CERS3: variants seen among roughly 807,000 people sequenced by gnomAD.
CERS3 encodes the protein ceramide synthase 3, also known as LAG1 homolog, ceramide synthase 3.
In CERS3, 33 loss-of-function variants were observed where a neutral mutation model predicts 50.3. That is an observed-to-expected ratio of 0.66 (90% CI 0.50 to 0.88). The LOEUF (loss-of-function observed/expected upper bound fraction) is 0.88. Ranked by LOEUF, CERS3 falls within the 40% of genes least tolerant of loss-of-function variation. The pLI is 0.00. For missense variants in CERS3, 470 were observed against 460.3 expected (o/e 1.02, Z -0.19); for synonymous variants, 176 against 155.2 (o/e 1.13, Z -0.99).
Position 100,407,294 on chromosome 15 carries a change from A to G in CERS3, c.1000-4429T>C, listed in dbSNP as rs1703670889. Among the ~76,000 whole-genome samples, 3 of 152,274 alleles carry G rather than the reference A, an allele frequency of 2.0e-5. No individual in the cohort carries two copies. In the South Asian group the frequency reaches 6.2e-4, roughly 32 times the overall value. The stretch of plus-strand genomic sequence containing the variant: ...GGCGCCACCCCATCTGCTCCCAACC[A>G]CACACCCTCCAGCTGTTTGCCTTTA... On this transcript the variant is annotated intron_variant, in intron 11 of 11. Transcript: ENST00000679737.
intron 11 of CERS3, among the ~76,000 whole-genome samples, chr15:100,430,048 C>A (rs569936978): frequency 6.6e-6 from 1 of 152,048 alleles, no homozygotes; most frequent in African/African-American, 2.4e-5. Context: ...CGCGGTGGCT[C>A]ACACCTGTAA....
intron 11 of CERS3, among the ~76,000 whole-genome samples, chr15:100,417,516 C>A (rs1291993445): frequency 1.3e-5 from 2 of 152,156 alleles, no homozygotes; most frequent in South Asian, 2.1e-4. Flanking sequence ...GGGCGCCCGC[C>A]ATTGCCCAGG....
rs186396455 is a variant in CERS3, at chr15:100,536,194, T to G, written c.-354-7119A>C. 1.1e-4 allele frequency among the ~76,000 whole-genome samples: 17 copies of G among 152,230 alleles called. No homozygotes were observed. The East Asian group carries it at 3.1e-3, about 28-fold the overall frequency. On this transcript the variant is annotated intron_variant, in intron 1 of 12. Transcript: ENST00000284382. ...GTGGGGATATTCCTATGCTCATATG[T>G]TAAGCATGAATTAAGACCACAGAGA... is the stretch of plus-strand genomic sequence containing the variant.
rs2030509974 is a variant in CERS3, at chr15:100,401,305, C to T, written c.*1408G>A. ...TCTTCCTTGGGAAGGCCTGGCCTCT[C>T]CTCAGCCAGCAGCCACCTGAGAAGT... On this transcript the variant is annotated 3_prime_UTR_variant, in exon 12 of 12. Transcript: ENST00000679737. 1 of 152,364 alleles carries T rather than the reference C, an allele frequency of 6.6e-6. No homozygotes were observed. The highest frequency in any genetic ancestry group is 2.4e-5 in the African/African-American group (1 of 41,464). 9.4% of individuals were successfully genotyped at this position (152,364 alleles called of 1,614,324 possible).
intron 10 of CERS3, among the ~76,000 whole-genome samples, chr15:100,467,822 TGTATATATATAC>T (rs1567639888): frequency 3.7e-5 from 3 of 80,242 alleles, no homozygotes; most frequent in Non-Finnish European, 5.5e-5. Flanking sequence ...TATATATATG[TGTATATATATAC>T]GTGTATATAT....
intron 2 of CERS3, among the ~76,000 whole-genome samples, chr15:100,505,655 A>G (rs533535213): frequency 2.0e-5 from 3 of 152,358 alleles, no homozygotes; most frequent in Admixed American, 6.5e-5. Context: ...AACTCTTAGA[A>G]GAAAATATAG....
intron 3 of CERS3, among the ~76,000 whole-genome samples, chr15:100,494,210 C>CACATAT (rs2035737303): frequency 1.3e-5 from 1 of 78,122 alleles, no homozygotes; most frequent in Non-Finnish European, 2.3e-5. Flanking sequence ...TTTTTCTTTT[C>CACATAT]ATATATATAT....
chr15:100,417,776 G>A (rs1432005909), intron 11 of CERS3, among the ~76,000 whole-genome samples: 1 of 151,822 alleles, frequency 6.6e-6, no homozygotes, highest in African/African-American at 2.4e-5. Flanking sequence ...CCTGACCCCT[G>A]ACCCCTGGGC....
chr15:100,454,726 T>A (rs2034301661), intron 11 of CERS3, among the ~76,000 whole-genome samples: 3 of 152,132 alleles, frequency 2.0e-5, no homozygotes, highest in Non-Finnish European at 4.4e-5. Flanking sequence ...GGGACTATAT[T>A]AAACTAAGAA....
At chr15:100,472,476 T>G (rs2035000128) in intron 9 of CERS3, among the ~76,000 whole-genome samples, 1 of 146,626 alleles carries the variant, frequency 6.8e-6, no homozygotes, top group Non-Finnish European at 1.5e-5. Flanking sequence ...TTACACTCCT[T>G]AAAGCAAGGG....
At chr15:100,518,693 G>A (rs1023429382) in intron 2 of CERS3, among the ~76,000 whole-genome samples, 1 of 152,144 alleles carries the variant, frequency 6.6e-6, no homozygotes, top group African/African-American at 2.4e-5. Flanking sequence ...ACATACACAG[G>A]ATTTCCTAGC....
At position 100,473,689 on chromosome 15, in the gene CERS3, A is replaced by C. The variant is rs1596723396; in HGVS notation, c.610-637T>G. Among the ~76,000 whole-genome samples the C allele has an allele frequency of 3.3e-5, 5 of 152,362 alleles. No individual in the cohort carries two copies. The East Asian group carries it at 9.6e-4, about 29-fold the overall frequency. ...TGTGGAGAAACTGGAACTCTAATAC[A>C]GTGCTGGTAGGGATGCAAAATGGTG... is the stretch of plus-strand genomic sequence containing the variant. On this transcript the variant is annotated intron_variant, in intron 8 of 11. Transcript: ENST00000679737.
At chr15:100,527,181 C>A (rs1021692777) in intron 1 of CERS3, among the ~76,000 whole-genome samples, 2 of 152,098 alleles carry the variant, frequency 1.3e-5, no homozygotes, top group Non-Finnish European at 2.9e-5. Context: ...CCTATACTCC[C>A]AGCTACTTGG....
chr15:100,420,247 A>T (rs1437136930), intron 11 of CERS3, among the ~76,000 whole-genome samples: 1 of 145,626 alleles, frequency 6.9e-6, no homozygotes, highest in African/African-American at 2.5e-5. Flanking sequence ...GATAAAGGGG[A>T]TATCACCACC....
intron 3 of CERS3, among the ~76,000 whole-genome samples, chr15:100,496,878 T>C (rs376326230): frequency 8.4e-4 from 128 of 152,224 alleles, no homozygotes; most frequent in African/African-American, 2.7e-3. Context: ...GAATAAAAAC[T>C]CTCCTAAGAT....
intron 11 of CERS3, among the ~76,000 whole-genome samples, chr15:100,443,703 C>G (rs896355234): frequency 4.8e-5 from 7 of 144,498 alleles, no homozygotes; most frequent in African/African-American, 1.0e-4. Context: ...CAAATTTCTT[C>G]CTTACCTGTT....
chr15:100,464,966 C>A (rs1193085579), intron 10 of CERS3, among the ~76,000 whole-genome samples: 14 of 152,006 alleles, frequency 9.2e-5, no homozygotes, highest in Admixed American at 3.3e-4. Flanking sequence ...AAGGGAGACT[C>A]GTTAGGAGAG....
Position 100,407,371 on chromosome 15 carries a change from A to G in CERS3, c.1000-4506T>C, listed in dbSNP as rs140415731. Among the ~76,000 whole-genome samples, 792 of 152,352 alleles carry G rather than the reference A, an allele frequency of 5.2e-3. 7 individuals are homozygous for G. The highest frequency in any genetic ancestry group is 0.018 in the African/African-American group (758 of 41,564). ...TGTTGGAACTTTATAGCATCTTGGC[A>G]GTCACAAAGGTTAGAGAATACTACT... On this transcript the variant is annotated intron_variant, in intron 11 of 11. Coordinates refer to ENST00000679737, the MANE Select transcript of CERS3 (RefSeq NM_001378789.1).
intron 7 of CERS3, 111 bp downstream of exon 7, chr15:100,479,317 G>C (rs1596732669): frequency 1.4e-6 from 1 of 719,814 alleles, no homozygotes; most frequent in Non-Finnish European, 2.3e-6. Context: ...AAGTGCCAGG[G>C]ATGACACAGT....
Sources: gnomAD v4.1 joint callset for allele counts (sites outside exome capture counted in the v4.1 genomes callset) on GRCh38, gnomAD v4.1.1 for gene constraint, MANE v1.5 for transcripts, NCBI Gene and HGNC (gene_info 2026-07-23, HGNC 2026-07-21) for gene names.